Variants in DKK2 observed in about 807,000 individuals in gnomAD.
DKK2 encodes dickkopf Wnt signaling pathway inhibitor 2.
Under a neutral mutation model 28.1 loss-of-function variants are expected in DKK2, and 11 were observed. That is an observed-to-expected ratio of 0.39 (90% CI 0.25 to 0.65). The LOEUF is 0.65. DKK2 is among the 30% of genes least tolerant of loss of function. The pLI, the probability that DKK2 is intolerant of heterozygous loss-of-function variation, is 0.47. For synonymous variants in DKK2, 135 were observed against 126.5 expected (o/e 1.07, Z -0.45); for missense variants, 326 against 335.5 (o/e 0.97, Z 0.22).
intron 1 of DKK2, among the ~76,000 whole-genome samples, chr4:106,982,162 C>T (rs561436001): frequency 3.3e-5 from 5 of 152,208 alleles, no homozygotes; most frequent in East Asian, 3.9e-4. Context: ...GTGATTATTT[C>T]GTTTATTTCG....
Position 106,978,956 on chromosome 4 carries a change from C to T in DKK2, c.223-53007G>A, listed in dbSNP as rs113235784. On this transcript the variant is annotated intron_variant, in intron 1 of 3. Coordinates refer to ENST00000285311, the MANE Select transcript of DKK2 (RefSeq NM_014421.3). The stretch of plus-strand genomic sequence containing the variant: ...TGTGGGAAAAGCATAGTGTCTGGGC[C>T]GGAATGCACCACTCCTCACAGCACA... 2.6e-5 allele frequency among the ~76,000 whole-genome samples: 4 copies of T among 152,160 alleles called. No individual in the cohort carries two copies. In the South Asian group the frequency reaches 8.3e-4, roughly 32 times the overall value.
chr4:107,019,376 T>C (rs1211770727), intron 1 of DKK2, among the ~76,000 whole-genome samples: 2 of 152,014 alleles, frequency 1.3e-5, no homozygotes, highest in East Asian at 1.9e-4. Context: ...ATGGTCACTT[T>C]CCTGACATCA....
chr4:107,006,185 A>C (rs1215813976), intron 1 of DKK2, among the ~76,000 whole-genome samples: 1 of 152,222 alleles, frequency 6.6e-6, no homozygotes, highest in Non-Finnish European at 1.5e-5. Context: ...AAAATTAAAG[A>C]GCTAGAAGGT....
intron 1 of DKK2, among the ~76,000 whole-genome samples, chr4:106,959,304 C>T (rs1333348864): frequency 2.0e-5 from 3 of 152,138 alleles, no homozygotes; most frequent in Non-Finnish European, 4.4e-5. Context: ...TTATGAGCGC[C>T]TGATTGCCTT....
chr4:106,954,007 C>T (rs903735053), intron 1 of DKK2, among the ~76,000 whole-genome samples: 4 of 152,156 alleles, frequency 2.6e-5, no homozygotes, highest in Non-Finnish European at 5.9e-5. Flanking sequence ...CCCACAAATA[C>T]ACAGTGAGTA....
chr4:107,006,997 C>CT (rs397973687), intron 1 of DKK2, among the ~76,000 whole-genome samples: 6,982 of 144,786 alleles, frequency 0.048, 226 homozygotes, highest in African/African-American at 0.1. Flanking sequence ...AAGAACAGTC[C>CT]TTTTTTTTTT....
At chr4:107,016,499 T>C (rs1378656323) in intron 1 of DKK2, among the ~76,000 whole-genome samples, 2 of 151,980 alleles carry the variant, frequency 1.3e-5, no homozygotes, top group Non-Finnish European at 2.9e-5. Flanking sequence ...TCTATTTTCT[T>C]AGAAAGCTCT....
intron 1 of DKK2, among the ~76,000 whole-genome samples, chr4:107,008,811 A>G (rs1478339633): frequency 6.6e-6 from 1 of 152,044 alleles, no homozygotes. Context: ...CTAAAAATTT[A>G]TAAGTCAAAT....
chr4:106,953,067 C>T (rs1348475910), intron 1 of DKK2, among the ~76,000 whole-genome samples: 1 of 152,120 alleles, frequency 6.6e-6, no homozygotes, highest in Admixed American at 6.6e-5. Context: ...TTGCAAGTTG[C>T]ATCTAATTTC....
intron 1 of DKK2, among the ~76,000 whole-genome samples, chr4:107,015,488 C>T (rs1368161099): frequency 6.6e-6 from 1 of 151,666 alleles, no homozygotes; most frequent in Admixed American, 6.6e-5. Flanking sequence ...GGGTTGACTA[C>T]AGGCACTACA....
chr4:107,021,000 G>A (rs925706437), intron 1 of DKK2, among the ~76,000 whole-genome samples: 5 of 151,840 alleles, frequency 3.3e-5, no homozygotes, highest in Admixed American at 6.6e-5. Flanking sequence ...TTTTGACCAC[G>A]TTCTTCTAAT....
chr4:107,035,306 G>A, intron 1 of DKK2, 64 bp downstream of exon 1: 6 of 1,572,334 alleles, frequency 3.8e-6, no homozygotes, highest in South Asian at 1.1e-5. Context: ...ATGGCAAACC[G>A]CTAGCCCAAG....
In DKK2 at chr4:106,954,544, C is replaced by T. The variant is rs548074367; in HGVS notation, c.223-28595G>A. On this transcript the variant is annotated intron_variant, in intron 1 of 3. Transcript: ENST00000285311. ...TTCTTTTCTTTTTTTTGTTTTGAGA[C>T]GGAGTCTCACTCTGTCACCCAGGCT... Among the ~76,000 whole-genome samples, 8 of 152,030 alleles carry T rather than the reference C, an allele frequency of 5.3e-5. No homozygotes were observed. In the South Asian group the frequency reaches 8.3e-4, roughly 16 times the overall value.
chr4:106,943,530 G>C (rs750503947), intron 1 of DKK2, among the ~76,000 whole-genome samples: 6 of 152,060 alleles, frequency 3.9e-5, no homozygotes, highest in Non-Finnish European at 7.4e-5. Context: ...TAAAATTGAA[G>C]TCCTACAAAA....
chr4:106,939,436 T>G (rs868539530), intron 1 of DKK2, among the ~76,000 whole-genome samples: 4 of 152,058 alleles, frequency 2.6e-5, no homozygotes, highest in Admixed American at 1.3e-4. Flanking sequence ...GAACTACAAA[T>G]CACTGCTCAA....
chr4:107,012,458 G>A (rs1723530218), intron 1 of DKK2, among the ~76,000 whole-genome samples: 1 of 151,350 alleles, frequency 6.6e-6, no homozygotes, highest in Non-Finnish European at 1.5e-5. Flanking sequence ...ATGGAGATGT[G>A]TTTTGCAGAA....
chr4:107,019,714 T>C (rs1483732993), intron 1 of DKK2, among the ~76,000 whole-genome samples: 1 of 152,066 alleles, frequency 6.6e-6, no homozygotes, highest in Non-Finnish European at 1.5e-5. Context: ...TTCATCATTG[T>C]GTTAAAAGCA....
chr4:106,948,202 A>G (rs1459968306), intron 1 of DKK2, among the ~76,000 whole-genome samples: 1 of 152,112 alleles, frequency 6.6e-6, no homozygotes, highest in Non-Finnish European at 1.5e-5. Flanking sequence ...CAAATTCTCT[A>G]CCAGACCAGA....
intron 1 of DKK2, among the ~76,000 whole-genome samples, chr4:106,981,844 T>C (rs1282264637): frequency 2.0e-5 from 3 of 152,106 alleles, no homozygotes; most frequent in African/African-American, 7.2e-5. Context: ...CATACTTATA[T>C]AATATATTTA....
Sources: allele counts gnomAD v4.1 joint callset (sites outside exome capture counted in the v4.1 genomes callset), GRCh38; gene constraint gnomAD v4.1.1; transcripts MANE v1.5; gene names NCBI Gene and HGNC (gene_info 2026-07-23, HGNC 2026-07-21).